The following CC2D2A variants were observed in gnomAD, a reference collection of about 807,000 sequenced individuals.
CC2D2A encodes the protein coiled-coil and C2 domain-containing protein 2A.
Under a neutral mutation model 212.9 loss-of-function variants are expected in CC2D2A, and 155 were observed. That is an observed-to-expected ratio of 0.73 (90% CI 0.64 to 0.83). The LOEUF (loss-of-function observed/expected upper bound fraction) is 0.83. Among genes scored for constraint, CC2D2A ranks in the 40% least tolerant of loss-of-function variants. CC2D2A has a pLI of 0.00. For synonymous variants in CC2D2A, 667 were observed against 686.5 expected (o/e 0.97, Z 0.44); for missense variants, 1,856 against 1,956.2 (o/e 0.95, Z 0.97).
chr4:15,501,306 C>T (rs1400276259), intron 4 of CC2D2A, among the ~76,000 whole-genome samples: 1 of 152,274 alleles, frequency 6.6e-6, no homozygotes, highest in Admixed American at 6.5e-5. Context: ...GTCTTACTTA[C>T]TCACACTGAC....
At position 15,516,611 on chromosome 4, in the gene CC2D2A, T is replaced by C. The variant is rs750682865; in HGVS notation, c.1018-14T>C. 1.9e-6 allele frequency: 3 copies of C among 1,604,914 alleles called. No individual in the cohort carries two copies. In the South Asian group the frequency reaches 3.4e-5, roughly 18 times the overall value. Reference sequence around the variant, plus strand: ...TAGAAGAAAATGTTGCCATTCCCTCTGCTTCATCTACAGGAAAGAAGATGG... The same window carrying C: ...TAGAAGAAAATGTTGCCATTCCCTCCGCTTCATCTACAGGAAAGAAGATGG... On this transcript the variant is annotated splice_polypyrimidine_tract_variant and intron_variant, in intron 10 of 36. Transcript: ENST00000424120.
At chr4:15,554,485 C>T (rs1319678286) in intron 19 of CC2D2A, among the ~76,000 whole-genome samples, 1 of 152,096 alleles carries the variant, frequency 6.6e-6, no homozygotes. Flanking sequence ...CCAGCCTAGC[C>T]AACATGGCAA....
rs56039505 is a variant in CC2D2A, at chr4:15,470,649, A to ATCTCTC, written c.-19+628_-19+633dup. ...CAAATAAATTCAGCACCAGCATGAA[A>ATCTCTC]TCTCTCTCTCTCTCTCTCTCTCTCT... On this transcript the variant is annotated intron_variant, in intron 1 of 36. Transcript: ENST00000424120. 3.6e-3 allele frequency among the ~76,000 whole-genome samples: 351 copies of ATCTCTC among 98,378 alleles called. 7 individuals carry two copies. Among genetic ancestry groups the ATCTCTC allele is most frequent in the Middle Eastern group, 0.01 (2 of 194 alleles). The allele number at this position is 98,378 out of a possible 152,430, so 64.5% of individuals were successfully genotyped here.
At chr4:15,573,391 A>T (rs572230698) in intron 28 of CC2D2A, among the ~76,000 whole-genome samples, 1 of 152,264 alleles carries the variant, frequency 6.6e-6, no homozygotes, top group South Asian at 2.1e-4. Flanking sequence ...CCCAGGTTCA[A>T]GCGATTGTCC....
At chr4:15,595,100 C>T (rs1012516947) in intron 33 of CC2D2A, among the ~76,000 whole-genome samples, 1 of 152,136 alleles carries the variant, frequency 6.6e-6, no homozygotes, top group Non-Finnish European at 1.5e-5. Context: ...TGAGTGTGAG[C>T]CTGCCTGTTT....
chr4:15,570,137 G>A (rs967838042), intron 27 of CC2D2A, among the ~76,000 whole-genome samples: 9 of 152,118 alleles, frequency 5.9e-5, no homozygotes, highest in Admixed American at 5.2e-4. Context: ...GGTGCTTTAC[G>A]CACATTGTCT....
At chr4:15,475,433 G>T (rs1714137328) in intron 1 of CC2D2A, among the ~76,000 whole-genome samples, 1 of 152,120 alleles carries the variant, frequency 6.6e-6, no homozygotes, top group Non-Finnish European at 1.5e-5. Flanking sequence ...GAATGATGGG[G>T]CCTAGTGCAC....
intron 32 of CC2D2A, 43 bp from the exon 33 acceptor site, chr4:15,589,502 C>T: frequency 1.3e-6 from 2 of 1,583,106 alleles, no homozygotes; most frequent in Non-Finnish European, 1.7e-6. Context: ...GCCTTCACTG[C>T]ATAAATAGTT....
At chr4:15,581,418 C>A (rs1238150191) in intron 30 of CC2D2A, among the ~76,000 whole-genome samples, 1 of 152,142 alleles carries the variant, frequency 6.6e-6, no homozygotes, top group Admixed American at 6.5e-5. Flanking sequence ...AAGGAAGATT[C>A]TACAATGATG....
chr4:15,518,929 T>C (rs1717041208), intron 11 of CC2D2A, among the ~76,000 whole-genome samples: 1 of 152,234 alleles, frequency 6.6e-6, no homozygotes, highest in African/African-American at 2.4e-5. Flanking sequence ...GGGGATGCTT[T>C]GAAGACCTCT....
chr4:15,502,332 C>G (rs1715998354), intron 4 of CC2D2A, 97 bp from the exon 5 acceptor site: 3 of 895,888 alleles, frequency 3.3e-6, no homozygotes, highest in Middle Eastern at 3.4e-4. Context: ...ATTTAACCTT[C>G]CCTTTTGGGG....
intron 28 of CC2D2A, among the ~76,000 whole-genome samples, chr4:15,571,544 A>T (rs1720165656): frequency 1.3e-5 from 2 of 151,558 alleles, no homozygotes; most frequent in Non-Finnish European, 2.9e-5. Context: ...CAGAGCTTGC[A>T]GTGAGCTGAG....
intron 33 of CC2D2A, among the ~76,000 whole-genome samples, chr4:15,592,646 C>T (rs899540070): frequency 1.3e-5 from 2 of 152,160 alleles, no homozygotes; most frequent in African/African-American, 4.8e-5. Context: ...TTCTTCCCAC[C>T]CCTTAAAAAT....
intron 30 of CC2D2A, among the ~76,000 whole-genome samples, chr4:15,585,659 T>A (rs1328168163): frequency 1.3e-5 from 2 of 152,172 alleles, no homozygotes; most frequent in Admixed American, 1.3e-4. Flanking sequence ...CGCAAAGAAA[T>A]GATAAATGTT....
intron 19 of CC2D2A, among the ~76,000 whole-genome samples, chr4:15,553,650 G>C (rs527426526): frequency 1.3e-5 from 2 of 152,148 alleles, no homozygotes; most frequent in Non-Finnish European, 2.9e-5. Context: ...CCTTAGTAAA[G>C]GTTTGTTGCT....
chr4:15,542,709 A>G (rs574081225), intron 17 of CC2D2A, among the ~76,000 whole-genome samples: 1 of 152,238 alleles, frequency 6.6e-6, no homozygotes, highest in South Asian at 2.1e-4. Context: ...CCCCACTTCA[A>G]GGACCCCCTG....
chr4:15,583,590 A>G (rs1354832754), intron 30 of CC2D2A, among the ~76,000 whole-genome samples: 1 of 152,234 alleles, frequency 6.6e-6, no homozygotes. Flanking sequence ...TACAATAGCT[A>G]CAAAAATTTA....
chr4:15,570,405 G>A lies in CC2D2A; in HGVS notation c.3503G>A (p.Arg1168His), dbSNP rs375344007. 179 of 1,593,766 alleles carry A rather than the reference G, an allele frequency of 1.1e-4. No individual in the cohort carries two copies. The highest frequency in any genetic ancestry group is 3.9e-4 in the African/African-American group (29 of 74,776). ...EVLHDVLEDD[R>H]ERGSGIHTRI... ...TTCCCACCCTTCCTTTAGGATGACC[G>A]TGAAAGAGGAAGTGGAATCCATACT... is the stretch of plus-strand genomic sequence containing the variant. Residue 1168 changes from arginine to histidine, a missense_variant, in exon 28 of 37, where the codon CGT becomes CAT. Around this residue, in one of 5 missense-constraint regions of CC2D2A, gnomAD observed 1,512 missense variants for 1,579.3 expected, o/e 0.96. Transcript: ENST00000424120.
At chr4:15,482,035 G>T in intron 4 of CC2D2A, 1 of 985,374 alleles carries the variant, frequency 1.0e-6, no homozygotes, top group Non-Finnish European at 1.2e-6. Context: ...TTCAGGCATT[G>T]CTTTTCATGA....
Sources: allele counts gnomAD v4.1 joint callset (sites outside exome capture counted in the v4.1 genomes callset), GRCh38; gene constraint gnomAD v4.1.1; regional missense constraint gnomAD v4.1.1; transcripts MANE v1.5; gene names NCBI Gene and HGNC (gene_info 2026-07-23, HGNC 2026-07-21).